The following RFFL variants were observed in gnomAD, a reference collection of about 807,000 sequenced individuals.
The protein encoded by RFFL is E3 ubiquitin-protein ligase rififylin.
RFFL carries 16 observed loss-of-function variants against 40.4 expected under a neutral mutation model. The ratio of observed to expected loss-of-function variants is 0.40; its 90% CI spans 0.27 to 0.60. The LOEUF (loss-of-function observed/expected upper bound fraction) is 0.60. Ranked by LOEUF, RFFL falls within the 20% of genes least tolerant of loss-of-function variation. The pLI is 0.47. For synonymous variants in RFFL, 154 were observed against 167.9 expected, an observed-to-expected ratio of 0.92 and a Z score of 0.64; for missense variants, 367 against 451.7, an observed-to-expected ratio of 0.81 and a Z score of 1.70.
upstream of RFFL, among the ~76,000 whole-genome samples, chr17:35,068,102 T>C (rs989411279): frequency 4.6e-5 from 7 of 152,198 alleles, no homozygotes; most frequent in African/African-American, 1.2e-4. Flanking sequence ...GGAATTTTTA[T>C]GGCTAAAAAT....
chr17:35,051,197 A>T (rs1180917364), intron 1 of RFFL, among the ~76,000 whole-genome samples: 1 of 152,222 alleles, frequency 6.6e-6, no homozygotes, highest in East Asian at 1.9e-4. Flanking sequence ...TACAAGAAAG[A>T]CATGCATATG....
rs567481303 is a variant in RFFL at position 35,047,900 on chromosome 17, C to T, written c.-9+15676G>A. ...CCAAGTAGCTGGGATTACAGGTGCC[C>T]ACCACCATGCCCGGCTAATTTTTGT... On this transcript the variant is annotated intron_variant, in intron 1 of 6. Transcript: ENST00000394597. Among the ~76,000 whole-genome samples the T allele has an allele frequency of 3.8e-3, 576 of 151,938 alleles. 3 individuals are homozygous for T. Among genetic ancestry groups the T allele is most frequent in the African/African-American group, 0.013 (525 of 41,450 alleles).
chr17:35,031,027 T>A (rs1369015488), intron 1 of RFFL, among the ~76,000 whole-genome samples: 1 of 152,038 alleles, frequency 6.6e-6, no homozygotes, highest in Non-Finnish European at 1.5e-5. Context: ...AAAATAAACC[T>A]AATAAACCTA....
upstream of RFFL, among the ~76,000 whole-genome samples, chr17:35,068,284 T>C (rs1015819880): frequency 6.6e-6 from 1 of 152,230 alleles, no homozygotes; most frequent in African/African-American, 2.4e-5. Flanking sequence ...TGTCAACTTA[T>C]CGCCAGAGTA....
chr17:35,044,864 T>G (rs1041875705), intron 1 of RFFL, among the ~76,000 whole-genome samples: 1 of 137,244 alleles, frequency 7.3e-6, no homozygotes, highest in Non-Finnish European at 1.5e-5. Flanking sequence ...ATCCTGTCTG[T>G]GCTCTCATAA....
intron 1 of RFFL, among the ~76,000 whole-genome samples, chr17:35,079,113 C>G (rs1364064810): frequency 6.6e-6 from 1 of 152,190 alleles, no homozygotes; most frequent in Non-Finnish European, 1.5e-5. Context: ...ATATCGATCC[C>G]TCCCAAATAA....
chr17:35,016,880 T>C (rs2090977350), intron 4 of RFFL, among the ~76,000 whole-genome samples: 1 of 152,130 alleles, frequency 6.6e-6, no homozygotes, highest in Non-Finnish European at 1.5e-5. Flanking sequence ...ACCCTAATTT[T>C]GAATCTTGAC....
rs1363676082 is a variant in RFFL at position 35,009,585 on chromosome 17, GC to G, written c.*2382del. 7.0e-6 allele frequency: 1 copy of G among 143,854 alleles called. No individual in the cohort carries two copies. Among genetic ancestry groups the G allele is most frequent in the Admixed American group, 6.8e-5 (1 of 14,726 alleles). 8.9% of individuals were successfully genotyped at this position (143,854 alleles called of 1,614,324 possible). On this transcript the variant is annotated 3_prime_UTR_variant, in exon 7 of 7. Coordinates refer to ENST00000394597, the MANE Select transcript of RFFL (RefSeq NM_001017368.2). ...TTTAATTTGGTGTAATAAAAATGAT[GC>G]AAAAAAAAAAAAAATCAGGGTTGTT...
chr17:35,078,598 G>C (rs564612128), intron 1 of RFFL, among the ~76,000 whole-genome samples: 5 of 152,192 alleles, frequency 3.3e-5, no homozygotes, highest in African/African-American at 9.6e-5. Flanking sequence ...CACCAGGCCC[G>C]GCCCAGAAAA....
intron 1 of RFFL, 85 bp from the exon 2 acceptor site, chr17:35,026,646 G>T: frequency 9.2e-7 from 1 of 1,092,580 alleles, no homozygotes; most frequent in Non-Finnish European, 1.3e-6. Flanking sequence ...CAGGTGAGCA[G>T]TGACACTCAA....
chr17:35,069,000 A>C (rs1463793474), intron 1 of RFFL, among the ~76,000 whole-genome samples: 1 of 152,190 alleles, frequency 6.6e-6, no homozygotes, highest in East Asian at 1.9e-4. Context: ...CCCTGTCATC[A>C]AACTCCATCA....
At chr17:35,056,713 G>A (rs1019032960) in intron 1 of RFFL, among the ~76,000 whole-genome samples, 2 of 151,910 alleles carry the variant, frequency 1.3e-5, no homozygotes, top group East Asian at 2.0e-4. Context: ...CAACTATCCC[G>A]TTCTATGTCC....
intron 1 of RFFL, among the ~76,000 whole-genome samples, chr17:35,074,782 C>A (rs1270704526): frequency 6.6e-6 from 1 of 152,164 alleles, no homozygotes; most frequent in Non-Finnish European, 1.5e-5. Flanking sequence ...AAAAGAAGTG[C>A]TAGTCTTTTG....
intron 1 of RFFL, among the ~76,000 whole-genome samples, chr17:35,059,787 A>C (rs2091281459): frequency 6.6e-6 from 1 of 152,222 alleles, no homozygotes. Context: ...TAATGAAGTT[A>C]TCTCTTAGCT....
rs1442287478 is a variant in RFFL, at chr17:35,009,587, A to C, written c.*2381T>G. ...TAATTTGGTGTAATAAAAATGATGC[A>C]AAAAAAAAAAAAATCAGGGTTGTTT... On this transcript the variant is annotated 3_prime_UTR_variant, in exon 7 of 7. Transcript: ENST00000394597. 3.8e-5 allele frequency: 5 copies of C among 130,430 alleles called. No individual in the cohort carries two copies. The highest frequency in any genetic ancestry group is 3.7e-4 in the Admixed American group (5 of 13,694). 8.1% of individuals were successfully genotyped at this position (130,430 alleles called of 1,614,324 possible). A position where few individuals can be genotyped will look rare whatever the true frequency, so the allele number is the denominator to read the frequency against.
In RFFL at chr17:35,006,079, T is replaced by G. The variant is rs2090893463; in HGVS notation, c.*5889A>C. The stretch of plus-strand genomic sequence containing the variant: ...ATAAAAATCCACACCTGAGAACAGA[T>G]CCATACAACCTGCTTACAAAGAACA... On this transcript the variant is annotated 3_prime_UTR_variant, in exon 7 of 7. Coordinates refer to ENST00000394597, the MANE Select transcript of RFFL (RefSeq NM_001017368.2). 5.0e-6 allele frequency: 1 copy of G among 198,604 alleles called. No homozygotes were observed. The highest frequency in any genetic ancestry group is 8.8e-5 in the South Asian group (1 of 11,374). 12.3% of individuals were successfully genotyped at this position (198,604 alleles called of 1,614,324 possible). A position where few individuals can be genotyped will look rare whatever the true frequency, so the allele number is the denominator to read the frequency against.
At chr17:35,029,681 CTAAT>C (rs1027087400) in intron 1 of RFFL, among the ~76,000 whole-genome samples, 3 of 151,484 alleles carry the variant, frequency 2.0e-5, no homozygotes, top group African/African-American at 7.3e-5. Flanking sequence ...CCACACCTGG[CTAAT>C]TTTTTATTTT....
Position 35,014,753 on chromosome 17 carries a change from G to A in RFFL, c.897C>T (p.Ala299=), listed in dbSNP as rs138035725. ...ACAACTACATACCGTTTTGGTCTTC[G>A]GCACCACTGACTGAAAAGGAAAGAG... ...QKGLQHLVSG[A]EDQNGGAVPS... Residue 299 remains alanine, a synonymous_variant, in exon 6 of 7, where the codon GCC becomes GCT. Coordinates refer to ENST00000394597, the MANE Select transcript of RFFL (RefSeq NM_001017368.2). The A allele has an allele frequency of 5.6e-5, 90 of 1,613,676 alleles. No individual in the cohort carries two copies. The highest frequency in any genetic ancestry group is 1.5e-4 in the African/African-American group (11 of 74,994).
rs1024902536 is a variant in RFFL, at chr17:35,010,326, G to A, written c.*1642C>T. 6.6e-6 allele frequency: 1 copy of A among 152,334 alleles called. No individual in the cohort carries two copies. The highest frequency in any genetic ancestry group is 2.4e-5 in the African/African-American group (1 of 41,556). 9.4% of individuals were successfully genotyped at this position (152,334 alleles called of 1,614,324 possible). A position where few individuals can be genotyped will look rare whatever the true frequency, so the allele number is the denominator to read the frequency against. On this transcript the variant is annotated 3_prime_UTR_variant, in exon 7 of 7. Transcript: ENST00000394597. Reference sequence around the variant, plus strand: ...TAATGGGAAAACACTCTGCTTTCCTGATCATGTGTTTTGTGCTTGGCCACG... The same window carrying A: ...TAATGGGAAAACACTCTGCTTTCCTAATCATGTGTTTTGTGCTTGGCCACG...
Sources: gnomAD v4.1 joint callset for allele counts (sites outside exome capture counted in the v4.1 genomes callset) on GRCh38, gnomAD v4.1.1 for gene constraint, MANE v1.5 for transcripts, NCBI Gene and HGNC (gene_info 2026-07-23, HGNC 2026-07-21) for gene names.